SGCZ: variants seen among roughly 807,000 people sequenced by gnomAD.
SGCZ encodes the protein zeta-sarcoglycan.
Under a neutral mutation model 41.3 loss-of-function variants are expected in SGCZ, and 40 were observed. The observed-to-expected ratio is 0.97, with a 90% CI of 0.75 to 1.26. The LOEUF (loss-of-function observed/expected upper bound fraction) is 1.26. SGCZ is among the 50% of genes most tolerant of loss of function. The probability of loss-of-function intolerance (pLI) is 0.00; values close to 1 mark genes in which losing one functional copy is unlikely to be tolerated. For missense variants in SGCZ, 552 were observed against 369.8 expected (o/e 1.49, Z -4.04); for synonymous variants, 206 against 137.5 (o/e 1.50, Z -3.49).
rs192369986 is a variant in SGCZ at position 14,382,644 on chromosome 8, T to C, written c.235-58440A>G. ...TTGAGATTGAGGGTTAAAGAAGAAC[T>C]TCAAATTTTTGCTAGGTGATAAGGT... On this transcript the variant is annotated intron_variant, in intron 2 of 7. Coordinates refer to ENST00000382080, the MANE Select transcript of SGCZ (RefSeq NM_139167.4). 2.6e-3 allele frequency among the ~76,000 whole-genome samples: 402 copies of C among 152,276 alleles called. 1 individual carries two copies. The highest frequency in any genetic ancestry group is 8.9e-3 in the African/African-American group (371 of 41,562).
chr8:14,175,301 T>TA (rs534886011), intron 4 of SGCZ, among the ~76,000 whole-genome samples: 2 of 152,124 alleles, frequency 1.3e-5, no homozygotes, highest in Admixed American at 6.5e-5. Flanking sequence ...ACTATTTTCA[T>TA]AAAAAAGGAA....
chr8:14,948,629 T>C (rs1800532636), intron 1 of SGCZ, among the ~76,000 whole-genome samples: 1 of 152,154 alleles, frequency 6.6e-6, no homozygotes, highest in African/African-American at 2.4e-5. Flanking sequence ...TCCTTTTTAA[T>C]AAAAGTGCTC....
At chr8:14,199,278 G>T (rs1461921672) in intron 4 of SGCZ, among the ~76,000 whole-genome samples, 1 of 152,114 alleles carries the variant, frequency 6.6e-6, no homozygotes, top group Non-Finnish European at 1.5e-5. Context: ...ATAAGCCCCT[G>T]TCTCCCATAG....
At chr8:14,468,670 C>T (rs755121026) in intron 2 of SGCZ, among the ~76,000 whole-genome samples, 1 of 152,042 alleles carries the variant, frequency 6.6e-6, no homozygotes, top group Non-Finnish European at 1.5e-5. Flanking sequence ...AAACCGTAGA[C>T]ACTAACACCT....
At chr8:14,747,482 C>G (rs371309050) in intron 1 of SGCZ, among the ~76,000 whole-genome samples, 5 of 152,088 alleles carry the variant, frequency 3.3e-5, no homozygotes, top group Admixed American at 1.3e-4. Context: ...TACTTATATC[C>G]GTGCACATGC....
In SGCZ at chr8:14,728,384, A is replaced by T. The variant is rs559341396; in HGVS notation, c.40-173458T>A. ...TAGAACCAAAAGAGTGGAAAGAAAAAAAAAACATAATAAAGACAAAAGCCA... is the reference window on the plus strand; with the variant it reads ...TAGAACCAAAAGAGTGGAAAGAAAATAAAAACATAATAAAGACAAAAGCCA... On this transcript the variant is annotated intron_variant, in intron 1 of 7. Transcript: ENST00000382080. 3.7e-3 allele frequency among the ~76,000 whole-genome samples: 562 copies of T among 151,824 alleles called. 8 individuals are homozygous for T. The highest frequency in any genetic ancestry group is 0.013 in the African/African-American group (538 of 41,492).
At chr8:14,233,107 C>A (rs897453968) in intron 4 of SGCZ, among the ~76,000 whole-genome samples, 1 of 151,922 alleles carries the variant, frequency 6.6e-6, no homozygotes. Context: ...AAACACAAAA[C>A]ACAAAGCTAG....
At chr8:14,407,165 T>C (rs1269952489) in intron 2 of SGCZ, among the ~76,000 whole-genome samples, 1 of 149,222 alleles carries the variant, frequency 6.7e-6, no homozygotes, top group Non-Finnish European at 1.5e-5. Context: ...ACCTCCTGGG[T>C]TCAAGCTATT....
At chr8:14,403,799 T>C (rs575659225) in intron 2 of SGCZ, among the ~76,000 whole-genome samples, 32 of 152,294 alleles carry the variant, frequency 2.1e-4, no homozygotes, top group African/African-American at 7.0e-4. Flanking sequence ...TTATATAAAA[T>C]GTATGTTTAA....
At chr8:14,531,560 C>T (rs958895192) in intron 2 of SGCZ, among the ~76,000 whole-genome samples, 1 of 151,978 alleles carries the variant, frequency 6.6e-6, no homozygotes, top group African/African-American at 2.4e-5. Context: ...GGTGGCAGTC[C>T]AGAAGTTTCC....
At position 15,228,166 on chromosome 8, in the gene SGCZ, A is replaced by C. The variant is rs78480851; in HGVS notation, c.39+9419T>G. On this transcript the variant is annotated intron_variant, in intron 1 of 7. Transcript: ENST00000382080. ...AAATAAATGAAACAAATACGTATGT[A>C]ATATATTCATCTTTATAAAATGAAA... Among the ~76,000 whole-genome samples the C allele has an allele frequency of 9.1e-3, 1,393 of 152,350 alleles. 24 individuals are homozygous for C. Among genetic ancestry groups the C allele is most frequent in the African/African-American group, 0.032 (1,326 of 41,574 alleles).
At chr8:15,042,775 A>G (rs1485506864) in intron 1 of SGCZ, among the ~76,000 whole-genome samples, 1 of 152,182 alleles carries the variant, frequency 6.6e-6, no homozygotes, top group Non-Finnish European at 1.5e-5. Flanking sequence ...TCTGTTTAGT[A>G]TTACAGCACT....
chr8:14,565,995 G>T (rs902338252), intron 1 of SGCZ, among the ~76,000 whole-genome samples: 1 of 152,004 alleles, frequency 6.6e-6, no homozygotes, highest in Non-Finnish European at 1.5e-5. Context: ...TTTTCAAATG[G>T]ATAATAAATC....
At position 14,991,596 on chromosome 8, in the gene SGCZ, C is replaced by A. The variant is rs532765503; in HGVS notation, c.39+245989G>T. On this transcript the variant is annotated intron_variant, in intron 1 of 7. Transcript: ENST00000382080. ...GCCCAGTATGTCCATAGCAAACTCA[C>A]AAGTTTCTACTCCCCATATCTGGTC... Among the ~76,000 whole-genome samples, 5 of 152,222 alleles carry A rather than the reference C, an allele frequency of 3.3e-5. No individual in the cohort carries two copies. In the East Asian group the frequency reaches 9.7e-4, roughly 29 times the overall value.
intron 1 of SGCZ, among the ~76,000 whole-genome samples, chr8:14,583,554 G>C (rs988322025): frequency 6.6e-6 from 1 of 152,010 alleles, no homozygotes; most frequent in African/African-American, 2.4e-5. Flanking sequence ...CATTGCTTTT[G>C]ATGTTTTAGA....
chr8:14,367,738 T>A (rs573757750), intron 2 of SGCZ, among the ~76,000 whole-genome samples: 2 of 152,198 alleles, frequency 1.3e-5, no homozygotes, highest in African/African-American at 4.8e-5. Flanking sequence ...ACCACCCCCA[T>A]AAACCAGTCA....
intron 1 of SGCZ, among the ~76,000 whole-genome samples, chr8:15,120,241 G>A (rs1807429331): frequency 6.6e-6 from 1 of 152,008 alleles, no homozygotes; most frequent in African/African-American, 2.4e-5. Context: ...GTTTTGCTTG[G>A]GATTGTTATA....
rs774039428 is a variant in SGCZ at position 14,324,141 on chromosome 8, G to C, written c.298C>G (p.Leu100Val). The C allele has an allele frequency of 3.7e-6, 6 of 1,612,872 alleles. No homozygotes were observed. The South Asian group carries it at 4.4e-5, about 12-fold the overall frequency. ...GIRLEGISEF[L>V]LPLYVKEIHS... is the part of the protein sequence containing the mutation. ...ATTTCTTTCACATACAATGGAAGTA[G>C]AAACTCAGATATACCTTCAAGTCGG... The change falls in exon 3 of 8, where the codon CTA becomes GTA. Residue 100 changes from leucine (L) to valine (V), a missense_variant. Transcript: ENST00000382080.
At chr8:15,117,781 T>G (rs1807327189) in intron 1 of SGCZ, among the ~76,000 whole-genome samples, 1 of 152,198 alleles carries the variant, frequency 6.6e-6, no homozygotes, top group East Asian at 1.9e-4. Context: ...AAATAACTAT[T>G]TCATCACATT....
Sources: allele counts gnomAD v4.1 joint callset (sites outside exome capture counted in the v4.1 genomes callset), GRCh38; gene constraint gnomAD v4.1.1; transcripts MANE v1.5; gene names NCBI Gene and HGNC (gene_info 2026-07-23, HGNC 2026-07-21).